WDR20: variants seen among roughly 807,000 people sequenced by gnomAD.
WDR20 encodes the protein WD repeat domain 20, also known as WD repeat-containing protein 20.
WDR20 carries 3 observed loss-of-function variants against 38.7 expected under a neutral mutation model. The ratio of observed to expected loss-of-function variants is 0.08; its 90% CI spans 0.04 to 0.20. The LOEUF is 0.20. WDR20 is among the 10% of genes least tolerant of loss of function. The probability of loss-of-function intolerance (pLI) is 1.00; values close to 1 mark genes in which losing one functional copy is unlikely to be tolerated. For synonymous variants in WDR20, 298 were observed against 285.6 expected, an observed-to-expected ratio of 1.04 and a Z score of -0.44; for missense variants, 559 against 727.7, an observed-to-expected ratio of 0.77 and a Z score of 2.67.
chr14:102,217,039 TC>T (rs1346553982), downstream of WDR20, among the ~76,000 whole-genome samples: 1 of 152,132 alleles, frequency 6.6e-6, no homozygotes, highest in African/African-American at 2.4e-5. Context: ...GGCTCTCAGC[TC>T]CCTACCACCC....
intron 1 of WDR20, among the ~76,000 whole-genome samples, chr14:102,149,323 T>C (rs1284691687): frequency 6.6e-6 from 1 of 151,970 alleles, no homozygotes; most frequent in African/African-American, 2.4e-5. Context: ...GAGCCATTGT[T>C]CCCGGCTGAT....
intron 1 of WDR20, among the ~76,000 whole-genome samples, chr14:102,147,675 T>A (rs533267157): frequency 6.6e-6 from 1 of 152,118 alleles, no homozygotes; most frequent in African/African-American, 2.4e-5. Flanking sequence ...CATGGTGGAT[T>A]TTGTCACTGA....
At chr14:102,187,167 GTTCTCTTCTGA>G (rs928979048) in intron 1 of WDR20, among the ~76,000 whole-genome samples, 2 of 152,092 alleles carry the variant, frequency 1.3e-5, no homozygotes, top group African/African-American at 4.8e-5. Context: ...CACTACAGTC[GTTCTCTTCTGA>G]TTTTCAAAAT....
At position 102,140,060 on chromosome 14, in the gene WDR20, A is replaced by G. The variant is rs2050313830; in HGVS notation, c.137A>G (p.Asn46Ser). 1.2e-6 allele frequency: 2 copies of G among 1,614,044 alleles called. No individual in the cohort carries two copies. Among genetic ancestry groups the G allele is most frequent in the African/African-American group, 1.3e-5 (1 of 74,918 alleles). Reference protein sequence around the residue: ...NRVPFNSQGSNPVRVSFVNLN... With the variant: ...NRVPFNSQGSSPVRVSFVNLN... ...GTGCCCTTCAACTCGCAGGGATCCA[A>G]CCCTGTCCGCGTCTCCTTCGTAAAC... Residue 46 changes from asparagine to serine, a missense_variant, in exon 1 of 3, where the codon AAC (asparagine) becomes AGC (serine). By Grantham distance (46) the Asn-to-Ser change is conservative. Transcript: ENST00000342702.
intron 2 of WDR20, among the ~76,000 whole-genome samples, chr14:102,205,927 T>TA (rs1021270824): frequency 2.0e-5 from 3 of 152,178 alleles, no homozygotes; most frequent in Admixed American, 6.5e-5. Flanking sequence ...CACAGGATGT[T>TA]ATCTGTAAGT....
downstream of WDR20, chr14:102,214,098 G>A: frequency 2.0e-6 from 2 of 985,588 alleles, no homozygotes; most frequent in Non-Finnish European, 2.4e-6. Context: ...CGGTCGGTGT[G>A]CCCTTGGCTG....
chr14:102,186,552 C>T (rs1256629033), intron 1 of WDR20, among the ~76,000 whole-genome samples: 2 of 152,040 alleles, frequency 1.3e-5, no homozygotes, highest in Non-Finnish European at 1.5e-5. Flanking sequence ...CACCCCCCTC[C>T]GGTTTCACCA....
upstream of WDR20, chr14:102,139,755 G>GT (rs1196349074): frequency 9.6e-7 from 1 of 1,038,642 alleles, no homozygotes; most frequent in Non-Finnish European, 1.4e-6. Context: ...CAGTCGGGCC[G>GT]TAAACAAGCC....
chr14:102,199,991 T>C (rs75197191), intron 2 of WDR20, among the ~76,000 whole-genome samples: 2 of 152,328 alleles, frequency 1.3e-5, no homozygotes, highest in East Asian at 3.9e-4. Context: ...ACACCTTCCA[T>C]TGGGGGTGAA....
At chr14:102,162,236 A>G (rs779907282) in intron 1 of WDR20, among the ~76,000 whole-genome samples, 5 of 152,222 alleles carry the variant, frequency 3.3e-5, no homozygotes, top group Non-Finnish European at 7.3e-5. Context: ...AGGGAATACA[A>G]CACACTGGAA....
At chr14:102,199,456 A>AATTAATTTTTTAGGAC (rs1276584930) in intron 2 of WDR20, among the ~76,000 whole-genome samples, 3 of 151,986 alleles carry the variant, frequency 2.0e-5, no homozygotes, top group African/African-American at 7.3e-5. Flanking sequence ...AAATACAAAT[A>AATTAATTTTTTAGGAC]ATTAATTTTT....
In WDR20 at chr14:102,142,693, C is replaced by T. The variant is rs529669343; in HGVS notation, c.249+2521C>T. Among the ~76,000 whole-genome samples, 4 of 151,020 alleles carry T rather than the reference C, an allele frequency of 2.6e-5. No homozygotes were observed. The South Asian group carries it at 6.3e-4, about 24-fold the overall frequency. On this transcript the variant is annotated intron_variant, in intron 1 of 2. Coordinates refer to ENST00000342702, the MANE Select transcript of WDR20 (RefSeq NM_144574.4). ...CTGGTCTTGAACTCCTGGCCTCAAG[C>T]GATCCTCCCACCTCAGCCTGCTAAA...
chr14:102,144,980 CTA>C (rs2053085731), intron 1 of WDR20, among the ~76,000 whole-genome samples: 1 of 152,140 alleles, frequency 6.6e-6, no homozygotes, highest in African/African-American at 2.4e-5. Context: ...ATTACAGGCT[CTA>C]TGTTCTTAGA....
Position 102,172,965 on chromosome 14 carries a change from C to T in WDR20, c.250-21973C>T, listed in dbSNP as rs532387648. On this transcript the variant is annotated intron_variant, in intron 1 of 2. Coordinates refer to ENST00000342702, the MANE Select transcript of WDR20 (RefSeq NM_144574.4). ...GACTGGGCAGAGGCGCTCCTCACAT[C>T]CCAGACGGGGCGGCGGGGCAAAGGC... Among the ~76,000 whole-genome samples, 281 of 150,840 alleles carry T rather than the reference C, an allele frequency of 1.9e-3. 2 individuals are homozygous for T. The highest frequency in any genetic ancestry group is 0.01 in the Middle Eastern group (3 of 286).
chr14:102,141,473 G>C (rs1212553461), intron 1 of WDR20, among the ~76,000 whole-genome samples: 1 of 152,078 alleles, frequency 6.6e-6, no homozygotes, highest in Non-Finnish European at 1.5e-5. Context: ...AGTTATTAAG[G>C]GTAAATCGCT....
chr14:102,224,588 TCTTTA>T (rs1477744048), downstream of WDR20: 1 of 456,110 alleles, frequency 2.2e-6, no homozygotes, highest in East Asian at 6.9e-5. Flanking sequence ...TGGGGGCATG[TCTTTA>T]CTTTCAGGCT....
At chr14:102,193,816 G>A (rs2058956986) in intron 1 of WDR20, among the ~76,000 whole-genome samples, 1 of 151,962 alleles carries the variant, frequency 6.6e-6, no homozygotes, top group South Asian at 2.1e-4. Flanking sequence ...CACACAGCGT[G>A]AACTGGGTGT....
At chr14:102,165,761 C>T (rs928794188) in intron 1 of WDR20, among the ~76,000 whole-genome samples, 1 of 151,608 alleles carries the variant, frequency 6.6e-6, no homozygotes, top group Non-Finnish European at 1.5e-5. Context: ...CTCAGCCTCC[C>T]AAGTAGCTGG....
chr14:102,164,939 G>GCA (rs1422242420), intron 1 of WDR20, among the ~76,000 whole-genome samples: 6 of 152,152 alleles, frequency 3.9e-5, no homozygotes, highest in African/African-American at 1.2e-4. Flanking sequence ...AATACAGCAG[G>GCA]TATTCCTGTG....
Sources: allele counts gnomAD v4.1 joint callset (sites outside exome capture counted in the v4.1 genomes callset), GRCh38; gene constraint gnomAD v4.1.1; transcripts MANE v1.5; gene names NCBI Gene and HGNC (gene_info 2026-07-23, HGNC 2026-07-21).